The following OSBPL5 variants were observed in gnomAD, a reference collection of about 807,000 sequenced individuals.
The protein encoded by OSBPL5 is oxysterol binding protein like 5, also known as oxysterol-binding protein-related protein 5.
In OSBPL5, 71 loss-of-function variants were observed where a neutral mutation model predicts 111.2. That is an observed-to-expected ratio of 0.64 (90% confidence interval 0.53 to 0.78). OSBPL5 has a LOEUF of 0.78. Ranked by LOEUF, OSBPL5 falls within the 30% of genes least tolerant of loss-of-function variation. The pLI, the probability that OSBPL5 is intolerant of heterozygous loss-of-function variation, is 0.00. For missense variants in OSBPL5, 1,210 were observed against 1,189.3 expected (o/e 1.02, Z -0.26); for synonymous variants, 549 against 513.9 (o/e 1.07, Z -0.93).
Position 3,103,867 on chromosome 11 carries a change from C to T in OSBPL5, c.1244+326G>A, listed in dbSNP as rs1192113332. Among the ~76,000 whole-genome samples, 139 of 50,152 alleles carry T rather than the reference C, an allele frequency of 2.8e-3. 4 individuals carry two copies. Among genetic ancestry groups the T allele is most frequent in the Admixed American group, 5.9e-3 (26 of 4,380 alleles). 32.9% of individuals were successfully genotyped at this position (50,152 alleles called of 152,430 possible). ...AGCCCCTTTCCAGTCTGCGCAGCCCCCTTCCTGCCTCTGTAGCCCCATTCC... is the reference window on the plus strand; with the variant it reads ...AGCCCCTTTCCAGTCTGCGCAGCCCTCTTCCTGCCTCTGTAGCCCCATTCC... On this transcript the variant is annotated intron_variant, in intron 10 of 21. Transcript: ENST00000263650.
At chr11:3,112,265 T>C (rs2134438534) in intron 7 of OSBPL5, among the ~76,000 whole-genome samples, 1 of 152,326 alleles carries the variant, frequency 6.6e-6, no homozygotes, top group South Asian at 2.1e-4. Context: ...TTCTGCTGTC[T>C]CTCCTTTCTC....
At chr11:3,145,489 T>C (rs1281994796) in intron 1 of OSBPL5, among the ~76,000 whole-genome samples, 1 of 152,202 alleles carries the variant, frequency 6.6e-6, no homozygotes, top group Non-Finnish European at 1.5e-5. Context: ...AAGCCACCCC[T>C]GCCCAGCGAG....
intron 1 of OSBPL5, among the ~76,000 whole-genome samples, chr11:3,156,673 G>A (rs1045240197): frequency 3.9e-5 from 6 of 152,324 alleles, no homozygotes; most frequent in Middle Eastern, 3.4e-3. Context: ...CATGGTTCCC[G>A]TGTTTAGATC....
rs375218160 is a variant in OSBPL5 at position 3,107,838 on chromosome 11, C to A, written c.799G>T (p.Ala267Ser). 5 of 1,611,810 alleles carry A rather than the reference C, an allele frequency of 3.1e-6. No individual in the cohort carries two copies. Among genetic ancestry groups the A allele is most frequent in the African/African-American group, 2.7e-5 (2 of 74,938 alleles). The change falls in exon 8 of 22, where the codon GCA (alanine) becomes TCA (serine). Residue 267 changes from alanine (A) to serine (S), a missense_variant. Coordinates refer to ENST00000263650, the MANE Select transcript of OSBPL5 (RefSeq NM_020896.4). The surrounding 1 kb of genome is among the most constrained non-coding windows in gnomAD (Gnocchi z 6.1). The stretch of plus-strand genomic sequence containing the variant: ...AGCCCACAGAGCGATGAGGGTGATG[C>A]GTCTGGCGAGGTCCCTGGCTCCCCG... ...RDGEPGTSPDASPSSLCGLPA... is the reference protein window; with the variant it reads ...RDGEPGTSPDSSPSSLCGLPA...
rs1042980953 is a variant in OSBPL5 at position 3,105,669 on chromosome 11, A to T, written c.1060-1292T>A. On this transcript the variant is annotated intron_variant, in intron 9 of 21. Coordinates refer to ENST00000263650, the MANE Select transcript of OSBPL5 (RefSeq NM_020896.4). The surrounding 1 kb of genome is among the most constrained non-coding windows in gnomAD (Gnocchi z 5.2). Reference sequence around the variant, plus strand: ...CTCTCGGACCAGCTGGCTCTGAGACACCTGGGCTCCTGGATCCTCCCACCT... The same window carrying T: ...CTCTCGGACCAGCTGGCTCTGAGACTCCTGGGCTCCTGGATCCTCCCACCT... Among the ~76,000 whole-genome samples, 5 of 151,820 alleles carry T rather than the reference A, an allele frequency of 3.3e-5. No homozygotes were observed. The highest frequency in any genetic ancestry group is 1.2e-4 in the African/African-American group (5 of 41,332).
Position 3,095,076 on chromosome 11 carries a change from A to G in OSBPL5, c.1622-742T>C, listed in dbSNP as rs563587387. 4.4e-4 allele frequency among the ~76,000 whole-genome samples: 67 copies of G among 152,212 alleles called. 1 individual carries two copies. The South Asian group carries it at 0.013, about 30-fold the overall frequency. ...AACAACAAGCTACTTGTTGCAACAA[A>G]GGCTTGAAACACCCCCAAATCCCTC... On this transcript the variant is annotated intron_variant, in intron 14 of 21. Transcript: ENST00000263650.
At chr11:3,128,048 A>G (rs1280191129) in intron 2 of OSBPL5, among the ~76,000 whole-genome samples, 1 of 152,196 alleles carries the variant, frequency 6.6e-6, no homozygotes, top group Non-Finnish European at 1.5e-5. Flanking sequence ...GCAGAGAATA[A>G]AAGGTGTAGG....
Position 3,141,595 on chromosome 11 carries a change from G to A in OSBPL5, c.-21-12426C>T, listed in dbSNP as rs1846118166. 6.6e-6 allele frequency among the ~76,000 whole-genome samples: 1 copy of A among 152,196 alleles called. No homozygotes were observed. The highest frequency in any genetic ancestry group is 2.1e-4 in the South Asian group (1 of 4,830). ...GCCCGAGTTGCGCAGAGAGGACAGG[G>A]AGGGGCTGGATTTTGCTGACCTCCA... On this transcript the variant is annotated intron_variant, in intron 1 of 21. Transcript: ENST00000263650. This position sits in a 1 kb window ranked among gnomAD's most constrained non-coding sequence, Gnocchi z 6.5.
At position 3,130,701 on chromosome 11, in the gene OSBPL5, C is replaced by T. The variant is rs1858795387; in HGVS notation, c.-21-1532G>A. ...TCACAGAGCTAACAATCAGCAATGCCGTCCTTAAGCCAGGTGGAACCGATC... is the reference window on the plus strand; with the variant it reads ...TCACAGAGCTAACAATCAGCAATGCTGTCCTTAAGCCAGGTGGAACCGATC... On this transcript the variant is annotated intron_variant, in intron 1 of 21. Coordinates refer to ENST00000263650, the MANE Select transcript of OSBPL5 (RefSeq NM_020896.4). This position sits in a 1 kb window ranked among gnomAD's most constrained non-coding sequence, Gnocchi z 4.5. Among the ~76,000 whole-genome samples the T allele has an allele frequency of 1.3e-5, 2 of 152,206 alleles. No individual in the cohort carries two copies. The highest frequency in any genetic ancestry group is 2.4e-5 in the African/African-American group (1 of 41,446).
At position 3,098,807 on chromosome 11, in the gene OSBPL5, G is replaced by T. The variant is rs375032373; in HGVS notation, c.1621+1351C>A. On this transcript the variant is annotated intron_variant, in intron 14 of 21. Coordinates refer to ENST00000263650, the MANE Select transcript of OSBPL5 (RefSeq NM_020896.4). ...GTTGTGAGCCACTGAGCCCAGCAAA[G>T]ATTTTTTTTTTTTTTTTGAGATGGG... 2.0e-4 allele frequency among the ~76,000 whole-genome samples: 29 copies of T among 145,468 alleles called. 1 individual carries two copies. The highest frequency in any genetic ancestry group is 1.3e-3 in the South Asian group (6 of 4,576).
rs755504436 is a variant in OSBPL5 at position 3,100,141 on chromosome 11, G to A, written c.1621+17C>T. 2.5e-6 allele frequency: 4 copies of A among 1,611,578 alleles called. No individual in the cohort carries two copies. The East Asian group carries it at 6.7e-5, about 27-fold the overall frequency. ...GAGCCTGGCTCTGCCCTCGGAGTGTGTGGCTGAGCCTCTCACCTTTGCAGT... is the reference window on the plus strand; with the variant it reads ...GAGCCTGGCTCTGCCCTCGGAGTGTATGGCTGAGCCTCTCACCTTTGCAGT... On this transcript the variant is annotated intron_variant, in intron 14 of 21. Coordinates refer to ENST00000263650, the MANE Select transcript of OSBPL5 (RefSeq NM_020896.4).
chr11:3,093,066 A>G lies in OSBPL5; in HGVS notation c.1947-14T>C. 1.3e-6 allele frequency: 2 copies of G among 1,549,510 alleles called. No individual in the cohort carries two copies. Among genetic ancestry groups the G allele is most frequent in the African/African-American group, 1.3e-5 (1 of 74,276 alleles). The stretch of plus-strand genomic sequence containing the variant: ...TGCTGCCAGAGCCTGCGGGCCAGTG[A>G]CCCATCCTGAGCCAGTGGCCCGGGC... On this transcript the variant is annotated splice_polypyrimidine_tract_variant and intron_variant, in intron 17 of 21. Transcript: ENST00000263650.
At chr11:3,103,761 GCAGC>G (rs1564829896) in intron 10 of OSBPL5, among the ~76,000 whole-genome samples, 3 of 26,008 alleles carry the variant, frequency 1.2e-4, no homozygotes, top group East Asian at 2.5e-3. Flanking sequence ...TTCCAGCTCT[GCAGC>G]CCCCTTCCAG....
chr11:3,115,640 C>A (rs953335215), intron 7 of OSBPL5, among the ~76,000 whole-genome samples: 1 of 152,160 alleles, frequency 6.6e-6, no homozygotes, highest in South Asian at 2.1e-4. Flanking sequence ...GTCAAAGGCA[C>A]ACTGATGCAA....
chr11:3,090,757 G>C, intron 19 of OSBPL5, 61 bp from the exon 20 acceptor site: 1 of 1,531,860 alleles, frequency 6.5e-7, no homozygotes, highest in Non-Finnish European at 8.8e-7. Context: ...CAGGCCCCAG[G>C]GACATGGTGG....
rs999656753 is a variant in OSBPL5, at chr11:3,146,993, C to T, written c.-21-17824G>A. On this transcript the variant is annotated intron_variant, in intron 1 of 21. Transcript: ENST00000263650. This position sits in a 1 kb window ranked among gnomAD's most constrained non-coding sequence, Gnocchi z 7.8. ...GCTGTCACGACCCTCCTGAGCTAAA[C>T]GCACAGCCCGCACCTTGTTAGCTCT... Among the ~76,000 whole-genome samples, 6 of 152,214 alleles carry T rather than the reference C, an allele frequency of 3.9e-5. No homozygotes were observed. The highest frequency in any genetic ancestry group is 1.4e-4 in the African/African-American group (6 of 41,460).
At chr11:3,089,726 C>A in intron 21 of OSBPL5, 120 bp downstream of exon 21, 1 of 879,644 alleles carries the variant, frequency 1.1e-6, no homozygotes, top group South Asian at 1.5e-5. Context: ...CTTGTGGGTT[C>A]CAGCTCCGAT....
intron 7 of OSBPL5, among the ~76,000 whole-genome samples, chr11:3,112,053 GTGCA>G (rs1460876911): frequency 1.2e-4 from 4 of 33,186 alleles, no homozygotes; most frequent in Non-Finnish European, 3.5e-4. Context: ...GCGCATGTGT[GTGCA>G]TGTGTATGTG....
At chr11:3,149,122 T>C (rs568842747) in intron 1 of OSBPL5, among the ~76,000 whole-genome samples, 1 of 152,316 alleles carries the variant, frequency 6.6e-6, no homozygotes, top group African/African-American at 2.4e-5. Context: ...CAGCCCTGTG[T>C]CTTAGCAATA....
Sources: allele counts gnomAD v4.1 joint callset (sites outside exome capture counted in the v4.1 genomes callset), GRCh38; gene constraint gnomAD v4.1.1; non-coding constraint Gnocchi (gnomAD v3.1); transcripts MANE v1.5; gene names NCBI Gene and HGNC (gene_info 2026-07-23, HGNC 2026-07-21).